Variants in ATP2C1 observed in about 807,000 individuals in gnomAD.
ATP2C1 encodes the protein calcium-transporting ATPase type 2C member 1.
A neutral mutation model predicts 120.5 loss-of-function variants in ATP2C1; 31 were observed. The observed-to-expected ratio is 0.26, with a 90% confidence interval of 0.19 to 0.35. The LOEUF is 0.35. Ranked by LOEUF, ATP2C1 falls within the 10% of genes least tolerant of loss-of-function variation. The pLI, the probability that ATP2C1 is intolerant of heterozygous loss-of-function variation, is 1.00. For synonymous variants in ATP2C1, 351 were observed against 358.7 expected, an observed-to-expected ratio of 0.98 and a Z score of 0.24; for missense variants, 731 against 1,107.5, an observed-to-expected ratio of 0.66 and a Z score of 4.83.
At chr3:130,949,710 T>C (rs922654954) in intron 8 of ATP2C1, among the ~76,000 whole-genome samples, 10 of 152,204 alleles carry the variant, frequency 6.6e-5, no homozygotes, top group Non-Finnish European at 1.3e-4. Context: ...TAATTTCATA[T>C]ATCGTTTTCA....
intron 2 of ATP2C1, among the ~76,000 whole-genome samples, chr3:130,915,943 A>G (rs1404010247): frequency 2.0e-5 from 3 of 152,240 alleles, no homozygotes; most frequent in Non-Finnish European, 2.9e-5. Context: ...ATGTATCTTA[A>G]TAACAGAGGA....
chr3:130,924,425 T>C (rs2059111384), intron 2 of ATP2C1, among the ~76,000 whole-genome samples: 1 of 152,164 alleles, frequency 6.6e-6, no homozygotes. Context: ...GCTTGTAGGG[T>C]TTCTGCTGAA....
chr3:130,982,352 C>T (rs2061804342), intron 20 of ATP2C1, among the ~76,000 whole-genome samples: 1 of 152,188 alleles, frequency 6.6e-6, no homozygotes, highest in African/African-American at 2.4e-5. Flanking sequence ...GGAGGTATCT[C>T]CTGCCCCACA....
At chr3:130,898,852 A>G (rs1025561084) in intron 2 of ATP2C1, among the ~76,000 whole-genome samples, 5 of 152,192 alleles carry the variant, frequency 3.3e-5, no homozygotes, top group Admixed American at 6.5e-5. Flanking sequence ...TAAAGGTGCC[A>G]GGAACACTGT....
rs1344084285 is a variant in ATP2C1 at position 131,012,090 on chromosome 3, TGA to T, written c.2630-4061_2630-4060del. Among the ~76,000 whole-genome samples the T allele has an allele frequency of 3.3e-5, 5 of 152,160 alleles. No individual in the cohort carries two copies. The East Asian group carries it at 9.7e-4, about 29-fold the overall frequency. On this transcript the variant is annotated intron_variant, in intron 26 of 26. Coordinates refer to the ATP2C1 transcript ENST00000328560. ...TTCTGCTGGAGGAGGACACTTTTAA[TGA>T]AAGAAAAACATGGTAGATGTAATTC...
intron 21 of ATP2C1, 71 bp downstream of exon 21, chr3:130,993,072 G>A: frequency 3.7e-6 from 5 of 1,334,764 alleles, no homozygotes; most frequent in Non-Finnish European, 5.4e-6. Context: ...TGTTATGTTT[G>A]CATTACAGGG....
intron 26 of ATP2C1, among the ~76,000 whole-genome samples, chr3:130,999,014 A>G (rs949374934): frequency 3.3e-5 from 5 of 152,174 alleles, no homozygotes; most frequent in Admixed American, 6.5e-5. Context: ...ATCCTTAACT[A>G]TATTACCATT....
chr3:130,864,985 C>T (rs1432006738), intron 1 of ATP2C1, among the ~76,000 whole-genome samples: 1 of 152,130 alleles, frequency 6.6e-6, no homozygotes, highest in Non-Finnish European at 1.5e-5. Context: ...CCTCCAGACC[C>T]CAGAATGGTA....
chr3:130,979,262 T>G lies in ATP2C1; in HGVS notation c.1584T>G (p.Ala528=). ...GSAGLRVLAL[A]SGPELGQLTF... ...TTATTTCCTAAGTTCTTGCTTTGGCTTCTGGTCCTGAACTGGGACAGCTGA... is the reference window on the plus strand; with the variant it reads ...TTATTTCCTAAGTTCTTGCTTTGGCGTCTGGTCCTGAACTGGGACAGCTGA... The change falls in exon 19 of 28, where the codon GCT becomes GCG. Residue 528 remains alanine (A), a synonymous_variant. Transcript: ENST00000510168. 6.2e-7 allele frequency: 1 copy of G among 1,613,690 alleles called. No individual in the cohort carries two copies. The highest frequency in any genetic ancestry group is 8.5e-7 in the Non-Finnish European group (1 of 1,179,694).
intron 26 of ATP2C1, among the ~76,000 whole-genome samples, chr3:131,011,005 T>C (rs2063298270): frequency 6.6e-6 from 1 of 152,226 alleles, no homozygotes. Flanking sequence ...TTTTACACAA[T>C]AATTTGGACT....
intron 8 of ATP2C1, among the ~76,000 whole-genome samples, chr3:130,947,797 A>T (rs2060213960): frequency 1.3e-5 from 2 of 150,302 alleles, no homozygotes; most frequent in Non-Finnish European, 1.5e-5. Flanking sequence ...CCTCCAATTG[A>T]TTTTTTTTGA....
intron 22 of ATP2C1, 135 bp downstream of exon 22, chr3:130,994,233 T>C: frequency 4.1e-6 from 4 of 983,798 alleles, no homozygotes; most frequent in Non-Finnish European, 6.2e-6. Flanking sequence ...CTAGGGTAAT[T>C]ATCCTATTTT....
At position 130,964,961 on chromosome 3, in the gene ATP2C1, G is replaced by A. The variant is rs2060987623; in HGVS notation, c.1038G>A (p.Val346=). ...PIVETLGCCN[V]ICSDKTGTLT... ...TTAATTCTTTAGGCTGCTGTAATGT[G>A]ATTTGTTCAGATAAAACTGGAACAC... Residue 346 remains valine (V), a synonymous_variant, in exon 14 of 28, where the codon GTG becomes GTA. Transcript: ENST00000510168. 1 of 1,610,232 alleles carries A rather than the reference G, an allele frequency of 6.2e-7. No homozygotes were observed. The highest frequency in any genetic ancestry group is 8.5e-7 in the Non-Finnish European group (1 of 1,177,240).
chr3:130,967,668 G>GA (rs1260372295), intron 16 of ATP2C1, among the ~76,000 whole-genome samples: 1 of 152,084 alleles, frequency 6.6e-6, no homozygotes, highest in East Asian at 1.9e-4. Context: ...TTCTTGTGAA[G>GA]AAATGTTCCT....
Position 130,894,190 on chromosome 3 carries a change from C to A in ATP2C1, c.-328C>A, listed in dbSNP as rs185723567. 281 of 983,646 alleles carry A rather than the reference C, an allele frequency of 2.9e-4. No individual in the cohort carries two copies. Among genetic ancestry groups the A allele is most frequent in the Middle Eastern group, 2.6e-3 (5 of 1,912 alleles). 60.9% of individuals were successfully genotyped at this position (983,646 alleles called of 1,614,324 possible). ...CCTCTCTCCCTCCCTTCCTCCCTCC[C>A]GCTCGCTTCTTCTCACGCCGGGAGC... On this transcript the variant is annotated 5_prime_UTR_variant, in exon 1 of 28. Transcript: ENST00000510168. The surrounding 1 kb of genome is among the most constrained non-coding windows in gnomAD (Gnocchi z 4.5).
intron 1 of ATP2C1, among the ~76,000 whole-genome samples, chr3:130,878,959 A>G (rs770470328): frequency 1.3e-5 from 2 of 152,196 alleles, no homozygotes; most frequent in Non-Finnish European, 2.9e-5. Flanking sequence ...TTATTTTATT[A>G]AATTACATTT....
At chr3:130,895,710 A>T (rs1325168361) in intron 2 of ATP2C1, among the ~76,000 whole-genome samples, 1 of 152,172 alleles carries the variant, frequency 6.6e-6, no homozygotes, top group Admixed American at 6.5e-5. Flanking sequence ...GCTGCTTCTA[A>T]TTTGTTTTTC....
In ATP2C1 at chr3:131,001,322, C is replaced by A; in HGVS notation, c.2732C>A (p.Ser911Ter). 1 of 1,613,232 alleles carries A rather than the reference C, an allele frequency of 6.2e-7. No individual in the cohort carries two copies. The highest frequency in any genetic ancestry group is 8.5e-7 in the Non-Finnish European group (1 of 1,179,526). ...SREKIQKHVS[S>*]TSSSFLEV The stretch of plus-strand genomic sequence containing the variant: ...GAAAAGATCCAGAAGCATGTTAGTT[C>A]GACATCATCATCTTTTCTTGAAGTA... Residue 911 changes from serine to a stop codon, truncating the protein, a stop_gained, in exon 28 of 28, where the codon TCG becomes TAG. Coordinates refer to ENST00000510168, the MANE Select transcript of ATP2C1 (RefSeq NM_001378687.1). LOFTEE classifies it high-confidence loss of function.
At chr3:130,882,586 T>C (rs948820019) in intron 1 of ATP2C1, among the ~76,000 whole-genome samples, 6 of 152,198 alleles carry the variant, frequency 3.9e-5, no homozygotes, top group Admixed American at 2.6e-4. Flanking sequence ...TTTTATCAAG[T>C]GGTTTTTCAG....
Sources: gnomAD v4.1 joint callset for allele counts (sites outside exome capture counted in the v4.1 genomes callset) on GRCh38, gnomAD v4.1.1 for gene constraint, Gnocchi (gnomAD v3.1) non-coding constraint, MANE v1.5 for transcripts, NCBI Gene and HGNC (gene_info 2026-07-23, HGNC 2026-07-21) for gene names.